The following GOLGA8A variants were observed in gnomAD, a reference collection of about 807,000 sequenced individuals.
GOLGA8A encodes the protein golgin subfamily A member 8A.
GOLGA8A carries 3 observed loss-of-function variants against 22.1 expected under a neutral mutation model. The ratio of observed to expected loss-of-function variants is 0.14; its 90% CI spans 0.06 to 0.35. GOLGA8A has a LOEUF of 0.35. Ranked by LOEUF, GOLGA8A falls within the 10% of genes least tolerant of loss-of-function variation. The pLI, the probability that GOLGA8A is intolerant of heterozygous loss-of-function variation, is 1.00. For synonymous variants in GOLGA8A, 7 were observed against 91.7 expected, an observed-to-expected ratio of 0.08 and a Z score of 5.28; for missense variants, 16 against 233.2, an observed-to-expected ratio of 0.07 and a Z score of 6.07.
chr15:34,427,596 G>A (rs1893040236), intron 2 of GOLGA8A, among the ~76,000 whole-genome samples: 1 of 148,302 alleles, frequency 6.7e-6, no homozygotes. Context: ...CTTTTCCTTG[G>A]ATTCCTAGGA....
chr15:34,430,769 T>G (rs950011075), intron 2 of GOLGA8A, among the ~76,000 whole-genome samples: 1 of 149,644 alleles, frequency 6.7e-6, no homozygotes, highest in African/African-American at 2.5e-5. Context: ...CAGTGGCTGG[T>G]GAGGAATGGG....
Position 34,437,391 on chromosome 15 carries a change from A to T in GOLGA8A, c.-1212+7T>A, listed in dbSNP as rs1172204090. The T allele has an allele frequency of 7.1e-6, 1 of 140,598 alleles. No homozygotes were observed. Among genetic ancestry groups the T allele is most frequent in the African/African-American group, 2.6e-5 (1 of 38,092 alleles). 8.7% of individuals were successfully genotyped at this position (140,598 alleles called of 1,614,324 possible). A position where few individuals can be genotyped will look rare whatever the true frequency, so the allele number is the denominator to read the frequency against. On this transcript the variant is annotated splice_region_variant and intron_variant, in intron 1 of 24. Coordinates refer to ENST00000359187, the MANE Select transcript of GOLGA8A (RefSeq NM_181077.5). ...GCGAGTCAGGCAGCCGAGGTTCCCC[A>T]GCTTACCTGGCCAGGGCGCGGGGCT...
Position 34,436,896 on chromosome 15 carries a change from AGGGAAGGGGCGAAGATCC to A in GOLGA8A, c.-1212+484_-1212+501del, listed in dbSNP as rs1285680991. 4.0e-5 allele frequency among the ~76,000 whole-genome samples: 6 copies of A among 149,690 alleles called. 1 individual carries two copies. Among genetic ancestry groups the A allele is most frequent in the African/African-American group, 1.5e-4 (6 of 40,638 alleles). The stretch of plus-strand genomic sequence containing the variant: ...CCTCTGGGCCTTATTATACAGGGAA[AGGGAAGGGGCGAAGATCC>A]GGGCTCGAGTTCTCCCAGGGAAGTG... On this transcript the variant is annotated intron_variant, in intron 1 of 24. Transcript: ENST00000359187.
chr15:34,431,312 C>T (rs11630568), intron 2 of GOLGA8A, among the ~76,000 whole-genome samples: 3,121 of 44,668 alleles, frequency 0.07, 128 homozygotes, highest in Non-Finnish European at 0.13. Flanking sequence ...TATATATATA[C>T]ATATATATAT....
rs180928421 is a variant in GOLGA8A at position 34,430,695 on chromosome 15, T to C, written c.-1123+4688A>G. On this transcript the variant is annotated intron_variant, in intron 2 of 24. Coordinates refer to ENST00000359187, the MANE Select transcript of GOLGA8A (RefSeq NM_181077.5). ...CACATCCTAACCCTGGTGACTGCAC[T>C]GACTGCGTGCTTTACTGTAGCAGAA... 3.3e-5 allele frequency among the ~76,000 whole-genome samples: 5 copies of C among 149,804 alleles called. No individual in the cohort carries two copies. The East Asian group carries it at 9.8e-4, about 29-fold the overall frequency.
rs1891371752 is a variant in GOLGA8A at position 34,379,530 on chromosome 15, G to A, written c.*1881C>T. On this transcript the variant is annotated 3_prime_UTR_variant, in exon 25 of 25. Transcript: ENST00000359187. ...TTGGAAGAGTCAGTTGAAGTTACAA[G>A]GACCCAATATCTGCCCTCTTTCAGT... The A allele has an allele frequency of 6.6e-6, 1 of 152,604 alleles. No individual in the cohort carries two copies. The highest frequency in any genetic ancestry group is 1.5e-5 in the Non-Finnish European group (1 of 68,040). The allele number at this position is 152,604 out of a possible 1,614,324, so 9.5% of individuals were successfully genotyped here.
chr15:34,436,089 T>C (rs1436874166), intron 1 of GOLGA8A, among the ~76,000 whole-genome samples: 1 of 148,674 alleles, frequency 6.7e-6, no homozygotes, highest in African/African-American at 2.5e-5. Flanking sequence ...CCTGTCCCCC[T>C]GCGTAGTGGC....
At chr15:34,426,488 G>A (rs1892989337) in intron 2 of GOLGA8A, among the ~76,000 whole-genome samples, 1 of 146,740 alleles carries the variant, frequency 6.8e-6, no homozygotes, top group Non-Finnish European at 1.5e-5. Flanking sequence ...GGTGAAGTTA[G>A]GGGGAAGCTT....
intron 2 of GOLGA8A, chr15:34,428,893 T>C (rs1219740557): frequency 3.7e-5 from 2 of 54,436 alleles, no homozygotes; most frequent in African/African-American, 6.1e-5. Flanking sequence ...CTGTAAATCC[T>C]TGTTAAAAAA....
chr15:34,435,045 C>T lies in GOLGA8A; in HGVS notation c.-1123+338G>A, dbSNP rs547843053. ...ACCGCCAGTCCTCTCCTCCCCTGGA[C>T]AGTAAAGGTTTCTCCAAGACTTCAG... On this transcript the variant is annotated intron_variant, in intron 2 of 24. Transcript: ENST00000359187. 2.0e-4 allele frequency among the ~76,000 whole-genome samples: 30 copies of T among 149,780 alleles called. 2 individuals are homozygous for T. The South Asian group carries it at 6.4e-3, about 32-fold the overall frequency.
chr15:34,417,348 TTG>T (rs1278705402), intron 2 of GOLGA8A: 1 of 94,280 alleles, frequency 1.1e-5, no homozygotes, highest in Non-Finnish European at 2.3e-5. Context: ...TTTTTTGTAA[TTG>T]TGTGTGTTTA....
intron 2 of GOLGA8A, among the ~76,000 whole-genome samples, chr15:34,427,662 C>G (rs181038327): frequency 1.6e-5 from 2 of 124,500 alleles, no homozygotes; most frequent in African/African-American, 5.5e-5. Flanking sequence ...TGCCAGCCAT[C>G]GGACTCCCAG....
chr15:34,431,343 A>ATATCTATCTATCTATC (rs1231384010), intron 2 of GOLGA8A, among the ~76,000 whole-genome samples: 133 of 119,044 alleles, frequency 1.1e-3, no homozygotes, highest in Non-Finnish European at 1.6e-3. Flanking sequence ...ATATATATAT[A>ATATCTATCTATCTATC]TATCTCACAC....
chr15:34,428,537 G>C (rs1893083411), intron 2 of GOLGA8A: 1 of 149,112 alleles, frequency 6.7e-6, no homozygotes, highest in African/African-American at 2.5e-5. Flanking sequence ...TCACGGGAGG[G>C]AATACTGTCC....
intron 5 of GOLGA8A, 137 bp from the exon 6 acceptor site, chr15:34,400,896 AGAGT>A (rs1236324885): frequency 1.7e-4 from 12 of 70,962 alleles, no homozygotes; most frequent in Non-Finnish European, 1.3e-4. Flanking sequence ...TACCATCCTT[AGAGT>A]AAGTACAAGA....
intron 8 of GOLGA8A, among the ~76,000 whole-genome samples, chr15:34,392,885 G>GA (rs1891814315): frequency 7.4e-6 from 1 of 135,900 alleles, no homozygotes; most frequent in African/African-American, 2.8e-5. Flanking sequence ...ATTTACCCTG[G>GA]AAACAAGGGT....
Position 34,404,906 on chromosome 15 carries a change from TAC to T in GOLGA8A, c.-575+9_-575+10del, listed in dbSNP as rs1191690972. On this transcript the variant is annotated intron_variant, in intron 5 of 24. Coordinates refer to ENST00000359187, the MANE Select transcript of GOLGA8A (RefSeq NM_181077.5). ...CAAAAATCCAGGCTCTAGCTATTTA[TAC>T]ACACTTACGCAGTTAAATGCTCTTG... 10 of 74,150 alleles carry T rather than the reference TAC, an allele frequency of 1.3e-4. No individual in the cohort carries two copies. Among genetic ancestry groups the T allele is most frequent in the Non-Finnish European group, 1.7e-4 (6 of 35,036 alleles). The allele number at this position is 74,150 out of a possible 1,614,324, so 4.6% of individuals were successfully genotyped here. A position where few individuals can be genotyped will look rare whatever the true frequency, so the allele number is the denominator to read the frequency against.
chr15:34,430,852 C>T (rs1893195963), intron 2 of GOLGA8A, among the ~76,000 whole-genome samples: 1 of 149,808 alleles, frequency 6.7e-6, no homozygotes, highest in South Asian at 2.1e-4. Context: ...ACAGCTGGCT[C>T]ACACGTGGAG....
chr15:34,431,768 A>T (rs1241790808), intron 2 of GOLGA8A, among the ~76,000 whole-genome samples: 3 of 148,674 alleles, frequency 2.0e-5, no homozygotes, highest in Admixed American at 1.4e-4. Context: ...GCTACATTTT[A>T]AAAAAATATA....
Sources: allele counts gnomAD v4.1 joint callset (sites outside exome capture counted in the v4.1 genomes callset), GRCh38; gene constraint gnomAD v4.1.1; transcripts MANE v1.5; gene names NCBI Gene and HGNC (gene_info 2026-07-23, HGNC 2026-07-21).